TREM1: variants seen among roughly 807,000 people sequenced by gnomAD.
TREM1 encodes the protein triggering receptor expressed on monocytes 1.
TREM1 carries 16 observed loss-of-function variants against 22.4 expected under a neutral mutation model. That is an observed-to-expected ratio of 0.71 (90% CI 0.48 to 1.08). The LOEUF is 1.08. TREM1 is among the 50% of genes least tolerant of loss of function. The pLI, the probability that TREM1 is intolerant of heterozygous loss-of-function variation, is 0.00. For synonymous variants in TREM1, 110 were observed against 111.6 expected (o/e 0.99, Z 0.09); for missense variants, 283 against 282.9 (o/e 1.00, Z 0.00).
intron 3 of TREM1, among the ~76,000 whole-genome samples, chr6:41,276,996 T>C (rs1413354695): frequency 1.3e-5 from 2 of 151,976 alleles, no homozygotes; most frequent in African/African-American, 4.8e-5. Flanking sequence ...AGCAACATGG[T>C]AACGGTGTAG....
chr6:41,270,446 A>T (rs932352603), downstream of TREM1, among the ~76,000 whole-genome samples: 10 of 143,998 alleles, frequency 6.9e-5, no homozygotes, highest in African/African-American at 2.8e-4. Flanking sequence ...GATATTATAT[A>T]ATATATATAT....
At chr6:41,276,310 A>G (rs1019378397) in intron 3 of TREM1, 80 bp from the exon 4 acceptor site, 11 of 985,092 alleles carry the variant, frequency 1.1e-5, no homozygotes, top group Non-Finnish European at 1.6e-5. Flanking sequence ...AAATGCCTTC[A>G]TGTCCCACTC....
intron 3 of TREM1, among the ~76,000 whole-genome samples, chr6:41,268,477 G>A (rs779847059): frequency 2.7e-4 from 41 of 152,208 alleles, no homozygotes; most frequent in Non-Finnish European, 5.6e-4. Context: ...ATTCATACCA[G>A]AAGGACCAAG....
intron 3 of TREM1, among the ~76,000 whole-genome samples, chr6:41,278,314 C>T (rs1340076010): frequency 6.6e-6 from 1 of 152,124 alleles, no homozygotes; most frequent in Admixed American, 6.5e-5. Context: ...AGTGCCTCTC[C>T]ATCCCCAGGA....
At position 41,276,215 on chromosome 6, in the gene TREM1, G is replaced by T. The variant is rs374226381; in HGVS notation, c.615C>A (p.Asn205Lys). The change falls in exon 4 of 4, where the codon AAC becomes AAA. Residue 205 changes from asparagine (N) to lysine (K), a missense_variant. Asn to Lys is a moderately conservative substitution (Grantham distance 94, BLOSUM62 0). Coordinates refer to ENST00000244709, the MANE Select transcript of TREM1 (RefSeq NM_018643.5). ...ATCCACCAGCCAGGAGAATGACAAT[G>T]TTGAACACCGGAACCCTGCGGGAGA... is the stretch of plus-strand genomic sequence containing the variant. The part of the protein sequence containing the change: ...VTDIIRVPVF[N>K]IVILLAGGFL... 331 of 1,613,962 alleles carry T rather than the reference G, an allele frequency of 2.1e-4. 1 individual carries two copies. Among genetic ancestry groups the T allele is most frequent in the Non-Finnish European group, 3.9e-5 (46 of 1,179,980 alleles).
chr6:41,278,344 T>A (rs1021519952), intron 3 of TREM1, among the ~76,000 whole-genome samples: 8 of 152,178 alleles, frequency 5.3e-5, no homozygotes, highest in African/African-American at 1.7e-4. Context: ...AGCTCTTCCA[T>A]CACCTGGGCA....
At chr6:41,284,120 G>A (rs912767121) in intron 1 of TREM1, among the ~76,000 whole-genome samples, 5 of 152,000 alleles carry the variant, frequency 3.3e-5, no homozygotes, top group African/African-American at 9.7e-5. Context: ...TTGATGTCAC[G>A]GAGTCACAGC....
intron 3 of TREM1, chr6:41,279,948 C>T: frequency 2.0e-6 from 2 of 977,018 alleles, no homozygotes; most frequent in East Asian, 1.1e-4. Context: ...GAGTTATCAA[C>T]ACTATATCAA....
intron 3 of TREM1, among the ~76,000 whole-genome samples, chr6:41,277,460 C>G (rs753943351): frequency 6.6e-6 from 1 of 152,162 alleles, no homozygotes; most frequent in Non-Finnish European, 1.5e-5. Context: ...AGCATCTGCC[C>G]CGATTCCAGT....
At chr6:41,268,620 G>T (rs1239008891), downstream of TREM1, among the ~76,000 whole-genome samples, 1 of 152,184 alleles carries the variant, frequency 6.6e-6, no homozygotes, top group Non-Finnish European at 1.5e-5. Flanking sequence ...AAGCCCCACT[G>T]CCAGGGGTTT....
At chr6:41,269,142 A>G (rs1210001597), downstream of TREM1, among the ~76,000 whole-genome samples, 1 of 152,236 alleles carries the variant, frequency 6.6e-6, no homozygotes, top group Non-Finnish European at 1.5e-5. Context: ...GCTTGAAAAG[A>G]GTTTTATAGA....
rs1220359254 is a variant in TREM1, at chr6:41,286,612, A to G, written c.44T>C (p.Val15Ala). Residue 15 changes from valine (V) to alanine (A), a missense_variant, in exon 1 of 4, where the codon GTC becomes GCC. By Grantham distance (64) the Val-to-Ala change is moderately conservative (BLOSUM62 0). Transcript: ENST00000244709. ...RLWGLLWMLF[V>A]SELRAATKLT... ...AGTCCTCTTCCTTGTCTTACCTGAG[A>G]CAAAGAGCATCCACAGCAGCCCCCA... The G allele has an allele frequency of 6.2e-7, 1 of 1,613,840 alleles. No homozygotes were observed. Among genetic ancestry groups the G allele is most frequent in the Admixed American group, 1.7e-5 (1 of 59,984 alleles).
chr6:41,273,352 A>G (rs1767542838), downstream of TREM1, among the ~76,000 whole-genome samples: 1 of 152,206 alleles, frequency 6.6e-6, no homozygotes, highest in East Asian at 1.9e-4. Context: ...TTGCTGTTTT[A>G]GATAGCCAGA....
rs571383131 is a variant in TREM1, at chr6:41,276,111, G to T, written c.*14C>A. ...TGGCTGGAAGTCAGAGGACATTCTC[G>T]TGGGTTCGTGGGCCTAGGGTACAAA... On this transcript the variant is annotated 3_prime_UTR_variant, in exon 4 of 4. Coordinates refer to ENST00000244709, the MANE Select transcript of TREM1 (RefSeq NM_018643.5). The T allele has an allele frequency of 3.1e-6, 5 of 1,605,152 alleles. No homozygotes were observed. In the African/African-American group the frequency reaches 4.0e-5, roughly 13 times the overall value.
chr6:41,282,480 A>G lies in TREM1; in HGVS notation c.321T>C (p.Asp107=), dbSNP rs1767964646. ...RVRMVNLQVE[D]SGLYQCVIYQ... ...AGATCACACACTGATACAGTCCAGA[A>G]TCTTCCACTTGAAGGTTGACCATTC... is the stretch of plus-strand genomic sequence containing the variant. Residue 107 remains aspartate, a synonymous_variant, in exon 2 of 4, where the codon GAT becomes GAC. Coordinates refer to ENST00000244709, the MANE Select transcript of TREM1 (RefSeq NM_018643.5). The G allele has an allele frequency of 6.2e-7, 1 of 1,614,186 alleles. No homozygotes were observed. Among genetic ancestry groups the G allele is most frequent in the Non-Finnish European group, 8.5e-7 (1 of 1,180,028 alleles).
intron 3 of TREM1, chr6:41,280,178 T>C: frequency 2.1e-6 from 2 of 954,898 alleles, no homozygotes; most frequent in Non-Finnish European, 2.5e-6. Context: ...AAAAGACATG[T>C]TAGACTAGTG....
Position 41,282,550 on chromosome 6 carries a change from C to T in TREM1, c.251G>A (p.Arg84Lys), listed in dbSNP as rs1767972631. The change falls in exon 2 of 4, where the codon AGG becomes AAG. Residue 84 changes from arginine (R) to lysine (K), a missense_variant. Arg to Lys is a conservative substitution (Grantham distance 26). Transcript: ENST00000244709. ...SKNSHPVQVG[R>K]IILEDYHDHG... Reference sequence around the variant, plus strand: ...ATCATGGTAGTCTTCTAGTATGATCCTCCCCACTTGGACTGGATGGGAATT... The same window carrying T: ...ATCATGGTAGTCTTCTAGTATGATCTTCCCCACTTGGACTGGATGGGAATT... 2.5e-6 allele frequency: 4 copies of T among 1,614,142 alleles called. No individual in the cohort carries two copies. The highest frequency in any genetic ancestry group is 3.4e-6 in the Non-Finnish European group (4 of 1,180,016).
At chr6:41,270,479 A>ATATATATATC (rs1767452141), downstream of TREM1, among the ~76,000 whole-genome samples, 1 of 122,164 alleles carries the variant, frequency 8.2e-6, no homozygotes, top group Admixed American at 8.6e-5. Flanking sequence ...ATATATATAT[A>ATATATATATC]TATCTTAGCA....
intron 1 of TREM1, 130 bp downstream of exon 1, chr6:41,286,477 A>T: frequency 2.3e-6 from 2 of 855,496 alleles, no homozygotes; most frequent in Non-Finnish European, 3.8e-6. Context: ...TGGGTAGAGC[A>T]GCACGGTCTG....
Sources: gnomAD v4.1 joint callset for allele counts (sites outside exome capture counted in the v4.1 genomes callset) on GRCh38, gnomAD v4.1.1 for gene constraint, MANE v1.5 for transcripts, NCBI Gene and HGNC (gene_info 2026-07-23, HGNC 2026-07-21) for gene names.